The following TRAPPC11 variants were observed in gnomAD, a reference collection of about 807,000 sequenced individuals.
TRAPPC11 encodes trafficking protein particle complex subunit 11, also known as foie gras homolog.
In TRAPPC11, 104 loss-of-function variants were observed where a neutral mutation model predicts 151.2. That is an observed-to-expected ratio of 0.69 (90% CI 0.59 to 0.81). The LOEUF (loss-of-function observed/expected upper bound fraction) is 0.81, where lower values mean the gene tolerates loss of function less well. Among genes scored for constraint, TRAPPC11 ranks in the 30% least tolerant of loss-of-function variants. TRAPPC11 has a pLI of 0.00. For missense variants in TRAPPC11, 1,230 were observed against 1,349.6 expected (o/e 0.91, Z 1.39); for synonymous variants, 456 against 472.3 (o/e 0.97, Z 0.45).
intron 2 of TRAPPC11, among the ~76,000 whole-genome samples, chr4:183,664,512 A>G (rs1026155042): frequency 6.6e-6 from 1 of 152,328 alleles, no homozygotes; most frequent in South Asian, 2.1e-4. Flanking sequence ...TAAGTGAGAC[A>G]GGTTCCCTAT....
rs374464788 is a variant in TRAPPC11 at position 183,690,172 on chromosome 4, C to T, written c.1894-1144C>T. On this transcript the variant is annotated intron_variant, in intron 18 of 29. Transcript: ENST00000334690. ...GAGCTGAAATTGCATTTCTAGTGGG[C>T]GATGGAGTGAGACTCCGTCTTAAAA... Among the ~76,000 whole-genome samples, 335 of 150,634 alleles carry T rather than the reference C, an allele frequency of 2.2e-3. 2 individuals are homozygous for T. Among genetic ancestry groups the T allele is most frequent in the African/African-American group, 7.3e-3 (300 of 40,928 alleles).
intron 14 of TRAPPC11, 138 bp from the exon 15 acceptor site, chr4:183,684,558 A>G: frequency 9.5e-7 from 1 of 1,055,234 alleles, no homozygotes; most frequent in Non-Finnish European, 1.4e-6. Flanking sequence ...GTTTAGCTAA[A>G]TATGAGAATA....
intron 2 of TRAPPC11, 57 bp downstream of exon 2, chr4:183,664,128 G>C (rs1457848730): frequency 1.4e-6 from 2 of 1,462,946 alleles, no homozygotes; most frequent in Non-Finnish European, 9.5e-7. Flanking sequence ...GTGTGTGTGT[G>C]TGTCTTTTTT....
At chr4:183,665,241 C>G (rs933546605) in intron 2 of TRAPPC11, among the ~76,000 whole-genome samples, 11 of 151,760 alleles carry the variant, frequency 7.2e-5, no homozygotes, top group African/African-American at 2.2e-4. Flanking sequence ...ACTACAGGCG[C>G]CCGCCACCAC....
intron 14 of TRAPPC11, 70 bp from the exon 15 acceptor site, chr4:183,684,626 T>G: frequency 6.6e-7 from 1 of 1,507,888 alleles, no homozygotes; most frequent in Non-Finnish European, 9.0e-7. Flanking sequence ...GGAAAGTATT[T>G]TTTTCTCCAT....
Position 183,680,679 on chromosome 4 carries a change from C to CTTTTTTTTT in TRAPPC11, c.1113+425_1113+433dup, listed in dbSNP as rs71589581. The stretch of plus-strand genomic sequence containing the variant: ...CCTGGGGTTTTCCTGTATGGAGACT[C>CTTTTTTTTT]TTTTTTTTTTTTTTTTTTTTTGGAG... On this transcript the variant is annotated intron_variant, in intron 10 of 29. Transcript: ENST00000334690. Among the ~76,000 whole-genome samples the CTTTTTTTTT allele has an allele frequency of 3.7e-4, 31 of 82,952 alleles. 1 individual carries two copies. Among genetic ancestry groups the CTTTTTTTTT allele is most frequent in the Admixed American group, 9.2e-4 (6 of 6,510 alleles). 54.4% of individuals were successfully genotyped at this position (82,952 alleles called of 152,430 possible).
chr4:183,672,960 A>ATTT (rs35637688), intron 5 of TRAPPC11, among the ~76,000 whole-genome samples: 2 of 131,018 alleles, frequency 1.5e-5, no homozygotes, highest in Admixed American at 7.9e-5. Context: ...CCGTTCGCAA[A>ATTT]TTTTTTTTTT....
Position 183,706,875 on chromosome 4 carries a change from T to A in TRAPPC11, c.3124T>A (p.Leu1042Ile), listed in dbSNP as rs146219211. The A allele has an allele frequency of 3.7e-6, 6 of 1,613,988 alleles. No homozygotes were observed. The African/African-American group carries it at 6.7e-5, about 18-fold the overall frequency. ...VKYHLQNKTD[L>I]VQDVEISVEP... ...GTATCACCTACAGAATAAGACCGACTTAGTTCAAGATGTAGAAATTTCTGT... is the reference window on the plus strand; with the variant it reads ...GTATCACCTACAGAATAAGACCGACATAGTTCAAGATGTAGAAATTTCTGT... Residue 1042 changes from leucine (L) to isoleucine (I), a missense_variant, in exon 28 of 30, where the codon TTA (leucine) becomes ATA (isoleucine). By Grantham distance (5) the Leu-to-Ile change is conservative (BLOSUM62 2). Transcript: ENST00000334690.
At chr4:183,680,040 A>G (rs987161111) in intron 9 of TRAPPC11, 80 bp from the exon 10 acceptor site, 9 of 1,258,854 alleles carry the variant, frequency 7.1e-6, no homozygotes, top group Non-Finnish European at 9.0e-6. Flanking sequence ...GCTGAGGTTA[A>G]GTTTCCCAGG....
chr4:183,678,443 A>G (rs1161042110), intron 8 of TRAPPC11, among the ~76,000 whole-genome samples: 1 of 152,208 alleles, frequency 6.6e-6, no homozygotes, highest in Non-Finnish European at 1.5e-5. Context: ...AAAAGATTAG[A>G]AACAACCCAG....
At chr4:183,692,907 G>A in intron 19 of TRAPPC11, 53 bp from the exon 20 acceptor site, 1 of 1,503,708 alleles carries the variant, frequency 6.7e-7, no homozygotes, top group Non-Finnish European at 9.0e-7. Flanking sequence ...GAGAGGAGAT[G>A]GTGACAAGCA....
At chr4:183,664,449 A>T (rs966490857) in intron 2 of TRAPPC11, among the ~76,000 whole-genome samples, 5 of 152,154 alleles carry the variant, frequency 3.3e-5, no homozygotes, top group Admixed American at 3.3e-4. Flanking sequence ...TTTTTTGAGC[A>T]CTTGCTTTGT....
At chr4:183,662,214 G>T (rs1734587579) in intron 1 of TRAPPC11, among the ~76,000 whole-genome samples, 1 of 151,974 alleles carries the variant, frequency 6.6e-6, no homozygotes, top group South Asian at 2.1e-4. Context: ...AAATTAGCTG[G>T]GTGTGGTGGT....
At position 183,666,141 on chromosome 4, in the gene TRAPPC11, A is replaced by C. The variant is rs1471485003; in HGVS notation, c.205-116A>C. The stretch of plus-strand genomic sequence containing the variant: ...ATCTGTAAGCCTGAGTTTCCTAATC[A>C]AAAATGGGAGGTGTGTATATTGAAT... On this transcript the variant is annotated intron_variant, in intron 2 of 29. Transcript: ENST00000334690. 5.7e-6 allele frequency: 5 copies of C among 882,826 alleles called. No homozygotes were observed. In the African/African-American group the frequency reaches 8.5e-5, roughly 15 times the overall value. The allele number at this position is 882,826 out of a possible 1,614,324, so 54.7% of individuals were successfully genotyped here.
chr4:183,701,615 C>T, intron 25 of TRAPPC11, 82 bp from the exon 26 acceptor site: 1 of 941,996 alleles, frequency 1.1e-6, no homozygotes. Context: ...GGTGTTCTTT[C>T]TTTGTTCTGT....
intron 29 of TRAPPC11, 79 bp from the exon 30 acceptor site, chr4:183,712,521 T>C: frequency 7.3e-7 from 1 of 1,370,852 alleles, no homozygotes; most frequent in South Asian, 1.2e-5. Context: ...TTCAAGAATT[T>C]AAAAATCCTT....
In TRAPPC11 at chr4:183,708,416, C is replaced by G; in HGVS notation, c.3199C>G (p.Arg1067Gly). Reference protein sequence around the residue: ...MFSGLKQIRLRILPGTEQEML... With the variant: ...MFSGLKQIRLGILPGTEQEML... Reference sequence around the variant, plus strand: ...ACTTTTTATGATGCAGATTCGATTACGTATCCTCCCTGGCACGGAGCAGGA... The same window carrying G: ...ACTTTTTATGATGCAGATTCGATTAGGTATCCTCCCTGGCACGGAGCAGGA... Residue 1067 changes from arginine (R) to glycine (G), a missense_variant, in exon 29 of 30, where the codon CGT becomes GGT. Arg to Gly is a moderately radical substitution (Grantham distance 125, BLOSUM62 -2). Coordinates refer to ENST00000334690, the MANE Select transcript of TRAPPC11 (RefSeq NM_021942.6). 1 of 1,612,586 alleles carries G rather than the reference C, an allele frequency of 6.2e-7. No homozygotes were observed. Among genetic ancestry groups the G allele is most frequent in the South Asian group, 1.1e-5 (1 of 90,876 alleles).
At chr4:183,691,958 G>T (rs182745212) in intron 19 of TRAPPC11, among the ~76,000 whole-genome samples, 18 of 152,216 alleles carry the variant, frequency 1.2e-4, no homozygotes, top group Admixed American at 4.6e-4. Context: ...ATAGATAATT[G>T]AAATGCCTTT....
chr4:183,693,793 C>T (rs1258353883), intron 21 of TRAPPC11, 56 bp downstream of exon 21: 1 of 1,601,380 alleles, frequency 6.2e-7, no homozygotes, highest in Non-Finnish European at 8.5e-7. Flanking sequence ...AAATAAGCAT[C>T]AGTGATGTCA....
Sources: gnomAD v4.1 joint callset for allele counts (sites outside exome capture counted in the v4.1 genomes callset) on GRCh38, gnomAD v4.1.1 for gene constraint, MANE v1.5 for transcripts, NCBI Gene and HGNC (gene_info 2026-07-23, HGNC 2026-07-21) for gene names.